The following SPATA13 variants were observed in gnomAD, a reference collection of about 807,000 sequenced individuals.
SPATA13 encodes spermatogenesis associated 13, also known as spermatogenesis-associated protein 13.
Under a neutral mutation model 104.0 loss-of-function variants are expected in SPATA13, and 50 were observed. The ratio of observed to expected loss-of-function variants is 0.48; its 90% CI spans 0.38 to 0.61. The LOEUF is 0.61. SPATA13 is among the 20% of genes least tolerant of loss of function. The probability of loss-of-function intolerance (pLI) is 0.00; values close to 1 mark genes in which losing one functional copy is unlikely to be tolerated. For synonymous variants in SPATA13, 606 were observed against 667.5 expected (o/e 0.91, Z 1.42); for missense variants, 1,524 against 1,690.6 (o/e 0.90, Z 1.73).
At position 24,260,230 on chromosome 13, in the gene SPATA13, T is replaced by A. The variant is rs139567915; in HGVS notation, c.2164+8368T>A. Among the ~76,000 whole-genome samples the A allele has an allele frequency of 2.0e-3, 298 of 151,688 alleles. 2 individuals carry two copies. Among genetic ancestry groups the A allele is most frequent in the African/African-American group, 6.8e-3 (282 of 41,320 alleles). ...AATGAGGCTTTAGGGATGAAGGGAG[T>A]TAGATTAAGTTTGTTGTTAGGGGTA... On this transcript the variant is annotated intron_variant, in intron 4 of 12. Transcript: ENST00000382108.
intron 3 of SPATA13, among the ~76,000 whole-genome samples, chr13:24,143,006 C>T (rs9553201): frequency 0.12 from 18,947 of 152,188 alleles, 1,980 homozygotes; most frequent in East Asian, 0.59. Flanking sequence ...CACACAGAAG[C>T]TGACCCTGAG....
chr13:24,237,395 G>A (rs1239667173), intron 2 of SPATA13, among the ~76,000 whole-genome samples: 2 of 152,072 alleles, frequency 1.3e-5, no homozygotes, highest in African/African-American at 4.8e-5. Flanking sequence ...ACATGCTGCA[G>A]CATGGCTGAA....
Position 24,223,933 on chromosome 13 carries a change from A to G in SPATA13, c.1004A>G (p.Glu335Gly). ...GTGACTGAGGCTGCCTGGAGGAGGG[A>G]GAGTCCTAGGAGTGGGGCCCCATCC... ...SNVTEAAWRR[E>G]SPRSGAPSPG... The change falls in exon 2 of 13, where the codon GAG (glutamate) becomes GGG (glycine). Residue 335 changes from glutamate to glycine, a missense_variant. Physicochemically the swap from Glu to Gly is moderately conservative, Grantham distance 98. Transcript: ENST00000382108. 1 of 1,551,340 alleles carries G rather than the reference A, an allele frequency of 6.4e-7. No homozygotes were observed. The highest frequency in any genetic ancestry group is 2.0e-5 in the Admixed American group (1 of 51,002).
At chr13:24,031,092 T>G (rs1379946799) in intron 3 of SPATA13, among the ~76,000 whole-genome samples, 4 of 152,244 alleles carry the variant, frequency 2.6e-5, no homozygotes, top group Admixed American at 2.6e-4. Flanking sequence ...GCAAATGGTT[T>G]TAAAGCTTAT....
Position 24,078,838 on chromosome 13 carries a change from C to A in SPATA13, c.-112+61137C>A, listed in dbSNP as rs894645290. Among the ~76,000 whole-genome samples, 50 of 152,342 alleles carry A rather than the reference C, an allele frequency of 3.3e-4. 2 individuals are homozygous for A. Among genetic ancestry groups the A allele is most frequent in the Middle Eastern group, 3.4e-3 (1 of 294 alleles). ...TCATTTATTCATTCATCCCCCCATTCAGTCAATGACTAAATAGACATCCTG... is the reference window on the plus strand; with the variant it reads ...TCATTTATTCATTCATCCCCCCATTAAGTCAATGACTAAATAGACATCCTG... On this transcript the variant is annotated intron_variant, in intron 3 of 14. Coordinates refer to the SPATA13 transcript ENST00000424834.
intron 3 of SPATA13, among the ~76,000 whole-genome samples, chr13:24,143,712 C>CAG (rs1881838142): frequency 6.6e-6 from 1 of 152,140 alleles, no homozygotes; most frequent in Non-Finnish European, 1.5e-5. Context: ...AACCACAGAA[C>CAG]ATCTAACAGT....
Position 24,160,768 on chromosome 13 carries a change from C to T in SPATA13, c.-276C>T. 2.0e-6 allele frequency: 2 copies of T among 985,420 alleles called. No homozygotes were observed. The highest frequency in any genetic ancestry group is 2.4e-6 in the Non-Finnish European group (2 of 829,960). The allele number at this position is 985,420 out of a possible 1,614,324, so 61.0% of individuals were successfully genotyped here. A position where few individuals can be genotyped will look rare whatever the true frequency, so the allele number is the denominator to read the frequency against. On this transcript the variant is annotated 5_prime_UTR_variant, in exon 1 of 13. Transcript: ENST00000382108. The stretch of plus-strand genomic sequence containing the variant: ...GGAGAGTGTGCGTTGCGCTTTCTCC[C>T]GCGATCGCCCTGCCGGTCGCTAGCT...
chr13:24,142,058 C>A (rs750388241), intron 3 of SPATA13, among the ~76,000 whole-genome samples: 1 of 151,864 alleles, frequency 6.6e-6, no homozygotes, highest in African/African-American at 2.4e-5. Context: ...TTGTGGTTTA[C>A]GGTCCTGATA....
intron 3 of SPATA13, among the ~76,000 whole-genome samples, chr13:24,085,028 C>T (rs895853933): frequency 3.3e-5 from 5 of 152,146 alleles, no homozygotes; most frequent in South Asian, 2.1e-4. Context: ...CCTGTGTGTT[C>T]GCAGTCGCCT....
intron 1 of SPATA13, among the ~76,000 whole-genome samples, chr13:24,187,391 T>A (rs1593394068): frequency 6.6e-6 from 1 of 152,272 alleles, no homozygotes; most frequent in Non-Finnish European, 1.5e-5. Flanking sequence ...ATCATTGCCC[T>A]CTTTCTCTCC....
At chr13:24,214,058 C>T (rs1480125462) in intron 1 of SPATA13, among the ~76,000 whole-genome samples, 14 of 152,188 alleles carry the variant, frequency 9.2e-5, no homozygotes, top group East Asian at 1.9e-4. Context: ...TCTCCAGATC[C>T]GCATTCAGGT....
intron 4 of SPATA13, among the ~76,000 whole-genome samples, chr13:24,255,542 A>G (rs1221701258): frequency 6.6e-6 from 1 of 152,182 alleles, no homozygotes; most frequent in East Asian, 1.9e-4. Flanking sequence ...TATAGTAACT[A>G]TGCCCACCTT....
At position 24,037,243 on chromosome 13, in the gene SPATA13, A is replaced by G. The variant is rs182404366; in HGVS notation, c.-112+19542A>G. 5.9e-3 allele frequency among the ~76,000 whole-genome samples: 879 copies of G among 149,322 alleles called. 4 individuals are homozygous for G. Among genetic ancestry groups the G allele is most frequent in the Non-Finnish European group, 9.1e-3 (612 of 67,230 alleles). On this transcript the variant is annotated intron_variant, in intron 3 of 14. Transcript: ENST00000424834. ...GGGGAGGGATGGCATTAGGAGATATACCTAATGTAAATGACGAGTTAATGG... is the reference window on the plus strand; with the variant it reads ...GGGGAGGGATGGCATTAGGAGATATGCCTAATGTAAATGACGAGTTAATGG...
chr13:24,176,893 A>G (rs1350759774), intron 1 of SPATA13, among the ~76,000 whole-genome samples: 1 of 152,052 alleles, frequency 6.6e-6, no homozygotes, highest in Admixed American at 6.6e-5. Context: ...CTTTCTGAGT[A>G]GCTGGGACCA....
At chr13:24,247,443 A>G (rs1034693312) in intron 2 of SPATA13, among the ~76,000 whole-genome samples, 6 of 147,682 alleles carry the variant, frequency 4.1e-5, no homozygotes, top group Non-Finnish European at 7.4e-5. Flanking sequence ...TAAAGTATCT[A>G]TAAACCCCAC....
At chr13:24,220,989 C>G (rs958108308) in intron 1 of SPATA13, among the ~76,000 whole-genome samples, 2 of 152,234 alleles carry the variant, frequency 1.3e-5, no homozygotes, top group Non-Finnish European at 1.5e-5. Flanking sequence ...TCTTGTTCCT[C>G]TCTTGCCTTT....
intron 1 of SPATA13, among the ~76,000 whole-genome samples, chr13:24,178,705 T>G (rs1868599273): frequency 6.6e-6 from 1 of 152,208 alleles, no homozygotes; most frequent in Non-Finnish European, 1.5e-5. Flanking sequence ...TGTTACCACC[T>G]TCTGTCTAGG....
At position 24,198,262 on chromosome 13, in the gene SPATA13, A is replaced by G. The variant is rs376092898; in HGVS notation, c.-111-24557A>G. ...CCCCCCTTGGCCTCCCAAAGTGCTG[A>G]GATTACAGGCGTGAGCCACCGCACC... On this transcript the variant is annotated intron_variant, in intron 1 of 12. Transcript: ENST00000382108. 1.9e-3 allele frequency among the ~76,000 whole-genome samples: 292 copies of G among 152,170 alleles called. 2 individuals are homozygous for G. Among genetic ancestry groups the G allele is most frequent in the African/African-American group, 2.4e-3 (98 of 41,510 alleles).
chr13:24,078,144 G>A (rs1034585502), intron 3 of SPATA13, among the ~76,000 whole-genome samples: 3 of 152,000 alleles, frequency 2.0e-5, no homozygotes, highest in African/African-American at 7.3e-5. Context: ...CCACCTGCTC[G>A]CCCCCACAGC....
Sources: gnomAD v4.1 joint callset for allele counts (sites outside exome capture counted in the v4.1 genomes callset) on GRCh38, gnomAD v4.1.1 for gene constraint, MANE v1.5 for transcripts, NCBI Gene and HGNC (gene_info 2026-07-23, HGNC 2026-07-21) for gene names.